The following DOCK2 variants were observed in gnomAD, a reference collection of about 807,000 sequenced individuals.
DOCK2 encodes the protein dedicator of cytokinesis protein 2.
In DOCK2, 87 loss-of-function variants were observed where a neutral mutation model predicts 248.9. The ratio of observed to expected loss-of-function variants is 0.35; its 90% confidence interval spans 0.29 to 0.42. The LOEUF is 0.42. Among genes scored for constraint, DOCK2 ranks in the 10% least tolerant of loss-of-function variants. The probability of loss-of-function intolerance (pLI) is 1.00; values close to 1 mark genes in which losing one functional copy is unlikely to be tolerated. For missense variants in DOCK2, 1,747 were observed against 2,300.2 expected, an observed-to-expected ratio of 0.76 and a Z score of 4.92; for synonymous variants, 805 against 821.6, an observed-to-expected ratio of 0.98 and a Z score of 0.35.
chr5:169,848,678 A>G (rs972690385), intron 27 of DOCK2, among the ~76,000 whole-genome samples: 3 of 152,234 alleles, frequency 2.0e-5, no homozygotes, highest in African/African-American at 7.2e-5. Flanking sequence ...GGTAGTTAAA[A>G]TAAGCCTCTG....
chr5:169,883,825 T>G (rs1435344698), intron 27 of DOCK2: 1 of 1,548,884 alleles, frequency 6.5e-7, no homozygotes, highest in Non-Finnish European at 8.7e-7. Flanking sequence ...GTGAGGTTGT[T>G]TCACAAACTC....
intron 25 of DOCK2, among the ~76,000 whole-genome samples, chr5:169,788,816 A>G (rs979281455): frequency 6.6e-6 from 1 of 152,214 alleles, no homozygotes; most frequent in African/African-American, 2.4e-5. Flanking sequence ...CACTGAGCAT[A>G]ATTTGAAATA....
intron 22 of DOCK2, among the ~76,000 whole-genome samples, chr5:169,740,867 A>C (rs1763269736): frequency 6.6e-6 from 1 of 152,096 alleles, no homozygotes; most frequent in Admixed American, 6.5e-5. Flanking sequence ...ACAGGGTCTC[A>C]TTGTGTCACC....
chr5:169,882,567 T>C (rs1317986992), intron 27 of DOCK2: 2 of 1,546,978 alleles, frequency 1.3e-6, no homozygotes, highest in South Asian at 2.4e-5. Flanking sequence ...CAGTGAGAGC[T>C]CGAGCTTTCT....
intron 2 of DOCK2, among the ~76,000 whole-genome samples, chr5:169,666,215 C>T (rs1758723378): frequency 6.6e-6 from 1 of 152,158 alleles, no homozygotes; most frequent in African/African-American, 2.4e-5. Context: ...AGGGAGCAAA[C>T]TCTCCTGTAA....
At chr5:169,649,357 C>T (rs1035235116) in intron 1 of DOCK2, among the ~76,000 whole-genome samples, 4 of 152,278 alleles carry the variant, frequency 2.6e-5, no homozygotes, top group Admixed American at 1.3e-4. Context: ...GCAGCCAAGA[C>T]GTGTCTTTTG....
At chr5:169,974,800 G>T (rs905006041) in intron 27 of DOCK2, among the ~76,000 whole-genome samples, 1 of 152,110 alleles carries the variant, frequency 6.6e-6, no homozygotes, top group African/African-American at 2.4e-5. Flanking sequence ...CCTTGTTTCT[G>T]AACCTGTTCT....
chr5:169,894,620 AGC>A (rs1773489407), intron 27 of DOCK2, among the ~76,000 whole-genome samples: 1 of 152,186 alleles, frequency 6.6e-6, no homozygotes, highest in South Asian at 2.1e-4. Flanking sequence ...CGGTGGCACA[AGC>A]AGTTTGCAAA....
intron 27 of DOCK2, among the ~76,000 whole-genome samples, chr5:169,905,224 G>A (rs751497277): frequency 6.6e-6 from 1 of 152,136 alleles, no homozygotes. Flanking sequence ...TGCCACAAAG[G>A]GGACCCCTGC....
In DOCK2 at chr5:169,694,904, G is replaced by A. The variant is rs577949700; in HGVS notation, c.844-899G>A. Reference sequence around the variant, plus strand: ...GTGGGAGGATTATTTGAGCCTGGGAGACTGAGGCTGCAGTGAGCTGTGATC... The same window carrying A: ...GTGGGAGGATTATTTGAGCCTGGGAAACTGAGGCTGCAGTGAGCTGTGATC... On this transcript the variant is annotated intron_variant, in intron 9 of 51. Coordinates refer to ENST00000520908, the MANE Select transcript of DOCK2 (RefSeq NM_004946.3). Among the ~76,000 whole-genome samples the A allele has an allele frequency of 5.3e-5, 8 of 152,278 alleles. No homozygotes were observed. In the East Asian group the frequency reaches 1.5e-3, roughly 29 times the overall value.
At chr5:169,901,345 AT>A (rs1773912398) in intron 27 of DOCK2, among the ~76,000 whole-genome samples, 1 of 152,198 alleles carries the variant, frequency 6.6e-6, no homozygotes, top group African/African-American at 2.4e-5. Context: ...GAGTGATGAT[AT>A]TGGTCCTGAA....
Position 170,077,914 on chromosome 5 carries a change from C to T in DOCK2, c.4994+77C>T, listed in dbSNP as rs79829985. On this transcript the variant is annotated intron_variant, in intron 48 of 51. Transcript: ENST00000520908. ...ATCCCCCCTCCTTCTCTCTCTTCTC[C>T]GGCAACATCCCTTCTACCTTTCCCT... is the stretch of plus-strand genomic sequence containing the variant. 110 of 1,203,490 alleles carry T rather than the reference C, an allele frequency of 9.1e-5. 1 individual carries two copies. Among genetic ancestry groups the T allele is most frequent in the African/African-American group, 2.7e-4 (18 of 66,934 alleles). 74.6% of individuals were successfully genotyped at this position (1,203,490 alleles called of 1,614,324 possible). A position where few individuals can be genotyped will look rare whatever the true frequency, so the allele number is the denominator to read the frequency against.
intron 8 of DOCK2, among the ~76,000 whole-genome samples, chr5:169,687,706 C>A (rs1421004751): frequency 6.6e-6 from 1 of 152,152 alleles, no homozygotes; most frequent in African/African-American, 2.4e-5. Flanking sequence ...TCTCTATCTT[C>A]CTGGAGTGAT....
At chr5:170,060,964 AG>A (rs1757307804) in intron 44 of DOCK2, among the ~76,000 whole-genome samples, 1 of 152,134 alleles carries the variant, frequency 6.6e-6, no homozygotes, top group African/African-American at 2.4e-5. Context: ...CGGGAGGCGG[AG>A]GTTGCAGTGA....
intron 32 of DOCK2, among the ~76,000 whole-genome samples, chr5:170,012,726 A>T (rs1386550377): frequency 6.6e-6 from 1 of 152,214 alleles, no homozygotes; most frequent in Non-Finnish European, 1.5e-5. Flanking sequence ...CCAGTAGTAT[A>T]GCATCGTAAC....
At chr5:169,863,794 T>C (rs1771358083) in intron 27 of DOCK2, among the ~76,000 whole-genome samples, 1 of 152,266 alleles carries the variant, frequency 6.6e-6, no homozygotes, top group Admixed American at 6.5e-5. Context: ...TGCTGATATC[T>C]TAGAAAACTG....
rs1160410582 is a variant in DOCK2, at chr5:170,056,791, A to T, written c.4380+23A>T. On this transcript the variant is annotated intron_variant, in intron 43 of 51. Coordinates refer to ENST00000520908, the MANE Select transcript of DOCK2 (RefSeq NM_004946.3). The stretch of plus-strand genomic sequence containing the variant: ...GCTGTGAGTATCTTCCCTACCCTTG[A>T]TCATTCCCTGGAGCCACCTGGAGGA... 4.4e-6 allele frequency: 7 copies of T among 1,608,866 alleles called. No homozygotes were observed. In the African/African-American group the frequency reaches 8.0e-5, roughly 18 times the overall value.
Position 169,860,894 on chromosome 5 carries a change from T to A in DOCK2, c.2799+20042T>A, listed in dbSNP as rs569173118. 4.6e-5 allele frequency among the ~76,000 whole-genome samples: 7 copies of A among 152,346 alleles called. No individual in the cohort carries two copies. In the East Asian group the frequency reaches 1.3e-3, roughly 29 times the overall value. ...GGTTTAGCAAGAACTTAATAAGATA[T>A]TTTTATTTCATATTCTATTTTTGGA... On this transcript the variant is annotated intron_variant, in intron 27 of 51. Transcript: ENST00000520908.
At chr5:169,928,285 G>T (rs1775573664) in intron 27 of DOCK2, among the ~76,000 whole-genome samples, 1 of 152,140 alleles carries the variant, frequency 6.6e-6, no homozygotes, top group African/African-American at 2.4e-5. Context: ...CGGTGGGCCA[G>T]CCTGTTCTTG....
Sources: gnomAD v4.1 joint callset for allele counts (sites outside exome capture counted in the v4.1 genomes callset) on GRCh38, gnomAD v4.1.1 for gene constraint, MANE v1.5 for transcripts, NCBI Gene and HGNC (gene_info 2026-07-23, HGNC 2026-07-21) for gene names.